Variants in KIF1B observed in about 807,000 individuals in gnomAD.
KIF1B encodes kinesin-like protein KIF1B.
In KIF1B, 76 loss-of-function variants were observed where a neutral mutation model predicts 241.9. That is an observed-to-expected ratio of 0.31 (90% confidence interval 0.26 to 0.38). The LOEUF (loss-of-function observed/expected upper bound fraction) is 0.38. Ranked by LOEUF, KIF1B falls within the 10% of genes least tolerant of loss-of-function variation. The pLI is 1.00. For synonymous variants in KIF1B, 750 were observed against 796.7 expected (o/e 0.94, Z 0.99); for missense variants, 1,622 against 2,271.4 (o/e 0.71, Z 5.81).
intron 22 of KIF1B, among the ~76,000 whole-genome samples, chr1:10,314,907 G>A (rs1651234117): frequency 6.6e-6 from 1 of 151,560 alleles, no homozygotes; most frequent in Non-Finnish European, 1.5e-5. Flanking sequence ...TCAAGATAAA[G>A]TATTAACATT....
chr1:10,227,585 A>G (rs569831191), intron 1 of KIF1B: 1 of 152,230 alleles, frequency 6.6e-6, no homozygotes, highest in East Asian at 1.9e-4. Context: ...ATACTTAATA[A>G]GCTGTGTATT....
chr1:10,246,016 G>A (rs1203089036), intron 2 of KIF1B, among the ~76,000 whole-genome samples: 1 of 151,996 alleles, frequency 6.6e-6, no homozygotes, highest in Admixed American at 6.6e-5. Context: ...TCTAGTTCTG[G>A]GGGCTTAAAT....
Position 10,269,937 on chromosome 1 carries a change from G to A in KIF1B, c.721-1565G>A, listed in dbSNP as rs143084067. Among the ~76,000 whole-genome samples, 3 of 152,292 alleles carry A rather than the reference G, an allele frequency of 2.0e-5. 1 individual carries two copies. The highest frequency in any genetic ancestry group is 7.2e-5 in the African/African-American group (3 of 41,574). On this transcript the variant is annotated intron_variant, in intron 7 of 48. Transcript: ENST00000676179. ...TGAATGCCAGCAAAGAACATTGTAT[G>A]TGAAGGTGTTTTTTGCCCTTCTCCC...
chr1:10,373,820 C>A (rs1340425759), intron 45 of KIF1B, among the ~76,000 whole-genome samples: 2 of 152,120 alleles, frequency 1.3e-5, no homozygotes, highest in Non-Finnish European at 2.9e-5. Flanking sequence ...ACATCATCAT[C>A]CCCTGGGAGG....
At chr1:10,226,964 C>T (rs1483085790) in intron 1 of KIF1B, among the ~76,000 whole-genome samples, 3 of 128,418 alleles carry the variant, frequency 2.3e-5, no homozygotes, top group African/African-American at 1.1e-4. Context: ...GAGGGAGACC[C>T]TGTCTCAAAA....
At chr1:10,213,498 T>C (rs1312084678) in intron 1 of KIF1B, among the ~76,000 whole-genome samples, 1 of 152,204 alleles carries the variant, frequency 6.6e-6, no homozygotes, top group Non-Finnish European at 1.5e-5. Context: ...ATTTTCTCAC[T>C]GTGGTCTTGT....
chr1:10,273,169 G>GT, intron 10 of KIF1B, 138 bp downstream of exon 10: 1 of 606,736 alleles, frequency 1.6e-6, no homozygotes, highest in Non-Finnish European at 2.9e-6. Context: ...GGAATTTAGA[G>GT]TGGCTGTAAA....
chr1:10,249,808 T>A (rs1647339360), intron 2 of KIF1B, among the ~76,000 whole-genome samples: 1 of 151,876 alleles, frequency 6.6e-6, no homozygotes, highest in African/African-American at 2.4e-5. Flanking sequence ...GAGGCTGAGG[T>A]GGGAGGATCA....
intron 1 of KIF1B, among the ~76,000 whole-genome samples, chr1:10,220,815 G>A (rs1378314384): frequency 6.6e-6 from 1 of 151,084 alleles, no homozygotes; most frequent in Non-Finnish European, 1.5e-5. Flanking sequence ...GGTGCCTGCC[G>A]CCAAGCCCAG....
rs974490191 is a variant in KIF1B at position 10,337,942 on chromosome 1, A to G, written c.3422+409A>G. 6.6e-6 allele frequency among the ~76,000 whole-genome samples: 1 copy of G among 152,202 alleles called. No homozygotes were observed. The highest frequency in any genetic ancestry group is 1.5e-5 in the Non-Finnish European group (1 of 68,038). On this transcript the variant is annotated intron_variant, in intron 31 of 48. Transcript: ENST00000676179. The surrounding 1 kb of genome is among the most constrained non-coding windows in gnomAD (Gnocchi z 4.0). ...ACTCGGGAAAAGGAAAATTTAAACA[A>G]TGTAAAGAAGGATAAATTCTACATC...
At chr1:10,342,220 T>C (rs1429238984) in intron 33 of KIF1B, 52 bp downstream of exon 33, 7 of 1,109,664 alleles carry the variant, frequency 6.3e-6, no homozygotes, top group Non-Finnish European at 7.0e-6. Flanking sequence ...GATTTTTAGT[T>C]TCTCAATTGC....
chr1:10,242,827 C>A (rs1353384422), intron 2 of KIF1B, among the ~76,000 whole-genome samples: 3 of 152,038 alleles, frequency 2.0e-5, no homozygotes, highest in Non-Finnish European at 2.9e-5. Context: ...TTAATATAAT[C>A]TTATGGGACC....
chr1:10,368,380 T>A, intron 43 of KIF1B, 87 bp from the exon 44 acceptor site: 1 of 1,103,984 alleles, frequency 9.1e-7, no homozygotes, highest in South Asian at 1.2e-5. Context: ...ACTCAGCCCT[T>A]CAGGAGCCTC....
intron 4 of KIF1B, among the ~76,000 whole-genome samples, chr1:10,259,866 G>A (rs1648027333): frequency 6.6e-6 from 1 of 151,760 alleles, no homozygotes; most frequent in African/African-American, 2.4e-5. Flanking sequence ...ATGGACCTGG[G>A]CTCCATCCTG....
Position 10,365,401 on chromosome 1 carries a change from C to T in KIF1B, c.4513-8C>T. Reference sequence around the variant, plus strand: ...TGTTTGCTATAGCAGTAGTATTGATCTTCTCAGGTGGAAAAAACCCGCCAC... The same window carrying T: ...TGTTTGCTATAGCAGTAGTATTGATTTTCTCAGGTGGAAAAAACCCGCCAC... On this transcript the variant is annotated splice_region_variant and splice_polypyrimidine_tract_variant and intron_variant, in intron 42 of 48. Coordinates refer to ENST00000676179, the MANE Select transcript of KIF1B (RefSeq NM_001365951.3). This position sits in a 1 kb window ranked among gnomAD's most constrained non-coding sequence, Gnocchi z 4.0. 6.2e-7 allele frequency: 1 copy of T among 1,614,120 alleles called. No individual in the cohort carries two copies. The highest frequency in any genetic ancestry group is 8.5e-7 in the Non-Finnish European group (1 of 1,180,030).
At chr1:10,355,591 T>C (rs114942457) in intron 38 of KIF1B, among the ~76,000 whole-genome samples, 4,400 of 152,308 alleles carry the variant, frequency 0.029, 66 homozygotes, top group African/African-American at 0.039. Context: ...AAATTATTTT[T>C]TCATTCCATT....
chr1:10,214,040 G>A (rs1571075739), intron 1 of KIF1B, among the ~76,000 whole-genome samples: 1 of 151,994 alleles, frequency 6.6e-6, no homozygotes, highest in African/African-American at 2.4e-5. Context: ...GAGGCTGAGT[G>A]GGGAGGATGG....
In KIF1B at chr1:10,340,072, C is replaced by T. The variant is rs17034781; in HGVS notation, c.3513+213C>T. 9.3e-3 allele frequency among the ~76,000 whole-genome samples: 1,415 copies of T among 152,120 alleles called. 20 individuals carry two copies. Among genetic ancestry groups the T allele is most frequent in the African/African-American group, 0.032 (1,312 of 41,476 alleles). On this transcript the variant is annotated intron_variant, in intron 32 of 48. Transcript: ENST00000676179. ...ACAGTGGGCCTAGTGAATGTGGGTT[C>T]GTCTGCCAATAAAATCTTCCATCAG...
At chr1:10,355,716 T>C (rs1045120962) in intron 38 of KIF1B, among the ~76,000 whole-genome samples, 1 of 150,968 alleles carries the variant, frequency 6.6e-6, no homozygotes, top group Non-Finnish European at 1.5e-5. Flanking sequence ...TTTTCTGTTT[T>C]CCTCTTTATC....
Sources: gnomAD v4.1 joint callset for allele counts (sites outside exome capture counted in the v4.1 genomes callset) on GRCh38, gnomAD v4.1.1 for gene constraint, Gnocchi (gnomAD v3.1) non-coding constraint, MANE v1.5 for transcripts, NCBI Gene and HGNC (gene_info 2026-07-23, HGNC 2026-07-21) for gene names.